Variants in FAM89B observed in about 807,000 individuals in gnomAD.
The protein encoded by FAM89B is family with sequence similarity 89 member B, also known as leucine repeat adapter protein 25.
In FAM89B, 9 loss-of-function variants were observed where a neutral mutation model predicts 13.4. The ratio of observed to expected loss-of-function variants is 0.67; its 90% CI spans 0.40 to 1.17. The LOEUF (loss-of-function observed/expected upper bound fraction) is 1.17. Ranked by LOEUF, FAM89B falls within the 50% of genes most tolerant of loss-of-function variation. The pLI is 0.01. For synonymous variants in FAM89B, 138 were observed against 121.2 expected (o/e 1.14, Z -0.91); for missense variants, 256 against 256.1 (o/e 1.00, Z 0.00).
At position 65,573,831 on chromosome 11, in the gene FAM89B, G is replaced by A; in HGVS notation, c.*190G>A. ...TCTTGGGTTGGCTGGCACTGGGGCG[G>A]GCATCTAGGGTACAGCCTCTGCTCA... is the stretch of plus-strand genomic sequence containing the variant. On this transcript the variant is annotated 3_prime_UTR_variant, in exon 2 of 2. Transcript: ENST00000530349. 2 of 667,554 alleles carry A rather than the reference G, an allele frequency of 3.0e-6. No individual in the cohort carries two copies. Among genetic ancestry groups the A allele is most frequent in the Non-Finnish European group, 4.9e-6 (2 of 405,646 alleles). 41.4% of individuals were successfully genotyped at this position (667,554 alleles called of 1,614,324 possible).
At chr11:65,573,168 G>A (rs1857163166) in intron 1 of FAM89B, among the ~76,000 whole-genome samples, 195 bp from the exon 2 acceptor site, 1 of 152,216 alleles carries the variant, frequency 6.6e-6, no homozygotes. Context: ...CATTTCATCC[G>A]GCTAAATGGA....
Position 65,572,784 on chromosome 11 carries a change from CG to C in FAM89B, c.118del (p.Glu40SerfsTer16). ...CCTTAATGCGAGCGGGGGCTCGTGG[CG>C]GGAGCTGGAGCGCGTCTACAGCCAG... ...GLLNASGGSWRELERVYSQRS... is the reference protein window; with the variant it reads ...GLLNASGGSWXELERVYSQRS... On this transcript the variant is annotated frameshift_variant, in exon 1 of 2. Transcript: ENST00000530349. LOFTEE classifies it high-confidence loss of function. The C allele has an allele frequency of 1.7e-6, 2 of 1,196,736 alleles. No individual in the cohort carries two copies. The highest frequency in any genetic ancestry group is 2.1e-6 in the Non-Finnish European group (2 of 958,648). The allele number at this position is 1,196,736 out of a possible 1,614,324, so 74.1% of individuals were successfully genotyped here.
chr11:65,572,942 C>A lies in FAM89B; in HGVS notation c.273C>A (p.Ala91=). 1 of 1,222,796 alleles carries A rather than the reference C, an allele frequency of 8.2e-7. No individual in the cohort carries two copies. The highest frequency in any genetic ancestry group is 1.6e-5 in the African/African-American group (1 of 63,902). 75.7% of individuals were successfully genotyped at this position (1,222,796 alleles called of 1,614,324 possible). A position where few individuals can be genotyped will look rare whatever the true frequency, so the allele number is the denominator to read the frequency against. The change falls in exon 1 of 2, where the codon GCC becomes GCA. Residue 91 remains alanine, a synonymous_variant. Coordinates refer to ENST00000530349, the MANE Select transcript of FAM89B (RefSeq NM_001098785.2). ...RRPVNLDSAL[A]ALRKEMVGLR... ...CTGTCAACCTCGACTCAGCGCTGGC[C>A]GCGCTGCGCAAGGAGATGGTGAGTG...
rs768888146 is a variant in FAM89B at position 65,573,383 on chromosome 11, C to T, written c.312C>T (p.Asp104=). 3.2e-5 allele frequency: 50 copies of T among 1,568,576 alleles called. No homozygotes were observed. The highest frequency in any genetic ancestry group is 3.9e-5 in the Non-Finnish European group (45 of 1,151,006). The change falls in exon 2 of 2, where the codon GAC becomes GAT. Residue 104 remains aspartate (D), a synonymous_variant. Coordinates refer to ENST00000530349, the MANE Select transcript of FAM89B (RefSeq NM_001098785.2). ...TGCAGGTGGGGCTGCGGCAGTTGGA[C>T]ATGTCCTTGTTGTGCCAGCTGTGGG... ...RKEMVGLRQL[D]MSLLCQLWGL...
chr11:65,573,318 G>A lies in FAM89B; in HGVS notation c.292-45G>A, dbSNP rs1412272778. 2.7e-6 allele frequency: 4 copies of A among 1,495,846 alleles called. No homozygotes were observed. The East Asian group carries it at 9.5e-5, about 36-fold the overall frequency. 92.7% of individuals were successfully genotyped at this position (1,495,846 alleles called of 1,614,324 possible). A position where few individuals can be genotyped will look rare whatever the true frequency, so the allele number is the denominator to read the frequency against. On this transcript the variant is annotated intron_variant, in intron 1 of 1. Coordinates refer to ENST00000530349, the MANE Select transcript of FAM89B (RefSeq NM_001098785.2). ...TATTCCAGGGGGCGGGGCTGGGCTG[G>A]GGTGGCCTGGACCCCAACTCCAGCC... is the stretch of plus-strand genomic sequence containing the variant.
Position 65,573,499 on chromosome 11 carries a change from C to G in FAM89B, c.428C>G (p.Ser143Cys), listed in dbSNP as rs1857169232. 1 of 1,614,162 alleles carries G rather than the reference C, an allele frequency of 6.2e-7. No individual in the cohort carries two copies. Among genetic ancestry groups the G allele is most frequent in the African/African-American group, 1.3e-5 (1 of 75,046 alleles). Residue 143 changes from serine (S) to cysteine (C), a missense_variant, in exon 2 of 2, where the codon TCC (serine) becomes TGC (cysteine). Transcript: ENST00000530349. ...TCATCCTCCCTCCATTCGGACAGCT[C>G]CTACCCACCGGATGCGGGCCTGTCT... ...DLSSSLHSDS[S>C]YPPDAGLSDD...
intron 1 of FAM89B, among the ~76,000 whole-genome samples, 181 bp downstream of exon 1, chr11:65,573,141 T>G (rs1288390624): frequency 6.6e-6 from 1 of 152,240 alleles, no homozygotes; most frequent in Non-Finnish European, 1.5e-5. Flanking sequence ...TTTTCAAATG[T>G]TTTGCTGACG....
At chr11:65,573,045 A>C (rs1271733206) in intron 1 of FAM89B, 85 bp downstream of exon 1, 5 of 1,174,132 alleles carry the variant, frequency 4.3e-6, no homozygotes, top group African/African-American at 3.2e-5. Context: ...TGGGTCTCAG[A>C]GGACTTGCAG....
At chr11:65,573,044 G>C in intron 1 of FAM89B, 84 bp downstream of exon 1, 1 of 1,193,488 alleles carries the variant, frequency 8.4e-7, no homozygotes, top group Non-Finnish European at 1.0e-6. Flanking sequence ...CTGGGTCTCA[G>C]AGGACTTGCA....
At chr11:65,573,328 G>T (rs1157227027) in intron 1 of FAM89B, 35 bp from the exon 2 acceptor site, 2 of 1,512,340 alleles carry the variant, frequency 1.3e-6, no homozygotes, top group South Asian at 1.3e-5. Flanking sequence ...GGGTGGCCTG[G>T]ACCCCAACTC....
At position 65,572,783 on chromosome 11, in the gene FAM89B, G is replaced by A; in HGVS notation, c.114G>A (p.Trp38Ter). Residue 38 changes from tryptophan to a stop codon, truncating the protein, a stop_gained, in exon 1 of 2, where the codon TGG becomes TGA. Coordinates refer to ENST00000530349, the MANE Select transcript of FAM89B (RefSeq NM_001098785.2). LOFTEE classifies it high-confidence loss of function. Reference sequence around the variant, plus strand: ...TCCTTAATGCGAGCGGGGGCTCGTGGCGGGAGCTGGAGCGCGTCTACAGCC... The same window carrying A: ...TCCTTAATGCGAGCGGGGGCTCGTGACGGGAGCTGGAGCGCGTCTACAGCC... ...SGLLNASGGS[W>*]RELERVYSQR... The A allele has an allele frequency of 8.3e-7, 1 of 1,198,230 alleles. No individual in the cohort carries two copies. Among genetic ancestry groups the A allele is most frequent in the Non-Finnish European group, 1.0e-6 (1 of 959,666 alleles). 74.2% of individuals were successfully genotyped at this position (1,198,230 alleles called of 1,614,324 possible).
In FAM89B at chr11:65,572,809, A is replaced by G; in HGVS notation, c.140A>G (p.Gln47Arg). The G allele has an allele frequency of 8.3e-7, 1 of 1,203,604 alleles. No homozygotes were observed. The highest frequency in any genetic ancestry group is 1.0e-6 in the Non-Finnish European group (1 of 963,174). 74.6% of individuals were successfully genotyped at this position (1,203,604 alleles called of 1,614,324 possible). A position where few individuals can be genotyped will look rare whatever the true frequency, so the allele number is the denominator to read the frequency against. Residue 47 changes from glutamine (Q) to arginine (R), a missense_variant, in exon 1 of 2, where the codon CAG becomes CGG. Physicochemically the swap from Gln to Arg is conservative, Grantham distance 43. Coordinates refer to ENST00000530349, the MANE Select transcript of FAM89B (RefSeq NM_001098785.2). ...SWRELERVYS[Q>R]RSRIHDELSR... ...CGGGAGCTGGAGCGCGTCTACAGCC[A>G]GCGCAGCCGCATCCACGACGAGCTG...
rs80283068 is a variant in FAM89B, at chr11:65,573,802, C to T, written c.*161C>T. The T allele has an allele frequency of 0.03, 27,024 of 898,908 alleles. 552 individuals are homozygous for T. The highest frequency in any genetic ancestry group is 0.05 in the Middle Eastern group (139 of 2,798). The allele number at this position is 898,908 out of a possible 1,614,324, so 55.7% of individuals were successfully genotyped here. ...GAGGCGAAACTGCCAAACTCTTTCT[C>T]CTGTCTTGGGTTGGCTGGCACTGGG... On this transcript the variant is annotated 3_prime_UTR_variant, in exon 2 of 2. Transcript: ENST00000530349.
At position 65,573,817 on chromosome 11, in the gene FAM89B, C is replaced by A; in HGVS notation, c.*176C>A. 1.3e-6 allele frequency: 1 copy of A among 785,510 alleles called. No homozygotes were observed. Among genetic ancestry groups the A allele is most frequent in the Non-Finnish European group, 2.0e-6 (1 of 512,374 alleles). The allele number at this position is 785,510 out of a possible 1,614,324, so 48.7% of individuals were successfully genotyped here. On this transcript the variant is annotated 3_prime_UTR_variant, in exon 2 of 2. Coordinates refer to ENST00000530349, the MANE Select transcript of FAM89B (RefSeq NM_001098785.2). ...AACTCTTTCTCCTGTCTTGGGTTGG[C>A]TGGCACTGGGGCGGGCATCTAGGGT...
chr11:65,573,311 T>G lies in FAM89B; in HGVS notation c.292-52T>G, dbSNP rs764946333. On this transcript the variant is annotated intron_variant, in intron 1 of 1. Coordinates refer to ENST00000530349, the MANE Select transcript of FAM89B (RefSeq NM_001098785.2). ...GGCCCACTATTCCAGGGGGCGGGGC[T>G]GGGCTGGGGTGGCCTGGACCCCAAC... 2.3e-5 allele frequency: 29 copies of G among 1,276,672 alleles called. 1 individual carries two copies. In the Admixed American group the frequency reaches 2.4e-4, roughly 11 times the overall value. 79.1% of individuals were successfully genotyped at this position (1,276,672 alleles called of 1,614,324 possible). A position where few individuals can be genotyped will look rare whatever the true frequency, so the allele number is the denominator to read the frequency against.
chr11:65,573,103 T>C, intron 1 of FAM89B, 143 bp downstream of exon 1: 1 of 833,046 alleles, frequency 1.2e-6, no homozygotes, highest in Non-Finnish European at 1.6e-6. Context: ...TAGTGATAGT[T>C]ACCAATTATG....
Position 65,572,793 on chromosome 11 carries a change from G to A in FAM89B, c.124G>A (p.Glu42Lys). ...NASGGSWRELERVYSQRSRIH... is the reference protein window; with the variant it reads ...NASGGSWRELKRVYSQRSRIH... ...GAGCGGGGGCTCGTGGCGGGAGCTG[G>A]AGCGCGTCTACAGCCAGCGCAGCCG... is the stretch of plus-strand genomic sequence containing the variant. The change falls in exon 1 of 2, where the codon GAG becomes AAG. Residue 42 changes from glutamate to lysine, a missense_variant. Physicochemically the swap from Glu to Lys is moderately conservative, Grantham distance 56 (BLOSUM62 1). Transcript: ENST00000530349. The A allele has an allele frequency of 1.7e-6, 2 of 1,204,924 alleles. No homozygotes were observed. The highest frequency in any genetic ancestry group is 2.1e-6 in the Non-Finnish European group (2 of 962,794). The allele number at this position is 1,204,924 out of a possible 1,614,324, so 74.6% of individuals were successfully genotyped here.
rs1427160825 is a variant in FAM89B, at chr11:65,572,844, G to A, written c.175G>A (p.Ala59Thr). ...CATCCACGACGAGCTGAGCCGCGCCGCCCGCGCCCCGGACGGGCCCCGCCA... is the reference window on the plus strand; with the variant it reads ...CATCCACGACGAGCTGAGCCGCGCCACCCGCGCCCCGGACGGGCCCCGCCA... ...SRIHDELSRA[A>T]RAPDGPRHAA... Residue 59 changes from alanine to threonine, a missense_variant, in exon 1 of 2, where the codon GCC (alanine) becomes ACC (threonine). Transcript: ENST00000530349. The A allele has an allele frequency of 1.2e-5, 14 of 1,197,082 alleles. No individual in the cohort carries two copies. Among genetic ancestry groups the A allele is most frequent in the Admixed American group, 4.0e-5 (1 of 24,778 alleles). 74.2% of individuals were successfully genotyped at this position (1,197,082 alleles called of 1,614,324 possible). A position where few individuals can be genotyped will look rare whatever the true frequency, so the allele number is the denominator to read the frequency against.
In FAM89B at chr11:65,572,776, G is replaced by A. The variant is rs1447522467; in HGVS notation, c.107G>A (p.Gly36Asp). Residue 36 changes from glycine to aspartate, a missense_variant, in exon 1 of 2, where the codon GGC becomes GAC. Transcript: ENST00000530349. Reference sequence around the variant, plus strand: ...AGCGGCCTCCTTAATGCGAGCGGGGGCTCGTGGCGGGAGCTGGAGCGCGTC... The same window carrying A: ...AGCGGCCTCCTTAATGCGAGCGGGGACTCGTGGCGGGAGCTGGAGCGCGTC... Reference protein sequence around the residue: ...GLSGLLNASGGSWRELERVYS... With the variant: ...GLSGLLNASGDSWRELERVYS... 3.1e-5 allele frequency: 37 copies of A among 1,199,540 alleles called. No homozygotes were observed. The highest frequency in any genetic ancestry group is 3.4e-5 in the Non-Finnish European group (33 of 960,540). 74.3% of individuals were successfully genotyped at this position (1,199,540 alleles called of 1,614,324 possible).
Sources: gnomAD v4.1 joint callset for allele counts (sites outside exome capture counted in the v4.1 genomes callset) on GRCh38, gnomAD v4.1.1 for gene constraint, MANE v1.5 for transcripts, NCBI Gene and HGNC (gene_info 2026-07-23, HGNC 2026-07-21) for gene names.